The following ADGRL3 variants were observed in gnomAD, a reference collection of about 807,000 sequenced individuals.
ADGRL3 encodes calcium-independent alpha-latrotoxin receptor 3.
ADGRL3 carries 62 observed loss-of-function variants against 153.5 expected under a neutral mutation model. The ratio of observed to expected loss-of-function variants is 0.40; its 90% CI spans 0.33 to 0.50. The LOEUF is 0.50. Among genes scored for constraint, ADGRL3 ranks in the 20% least tolerant of loss-of-function variants. The pLI, the probability that ADGRL3 is intolerant of heterozygous loss-of-function variation, is 0.47. For synonymous variants in ADGRL3, 710 were observed against 672.5 expected, an observed-to-expected ratio of 1.06 and a Z score of -0.86; for missense variants, 1,641 against 1,859.4, an observed-to-expected ratio of 0.88 and a Z score of 2.16.
At chr4:61,398,971 T>C (rs1382300349) in intron 2 of ADGRL3, among the ~76,000 whole-genome samples, 1 of 151,738 alleles carries the variant, frequency 6.6e-6, no homozygotes, top group African/African-American at 2.4e-5. Context: ...TCCATCATTC[T>C]GTCTAACTGC....
chr4:61,742,660 G>T (rs1416954540), intron 8 of ADGRL3, among the ~76,000 whole-genome samples: 1 of 152,070 alleles, frequency 6.6e-6, no homozygotes, highest in Non-Finnish European at 1.5e-5. Context: ...AAGCACAAAG[G>T]TATTTCCTTC....
chr4:61,471,786 G>T (rs1358477708), intron 2 of ADGRL3, among the ~76,000 whole-genome samples: 1 of 151,900 alleles, frequency 6.6e-6, no homozygotes, highest in East Asian at 1.9e-4. Flanking sequence ...AGAAATGGTC[G>T]ATTAAGGTAT....
At chr4:61,790,084 T>A (rs975901949) in intron 8 of ADGRL3, among the ~76,000 whole-genome samples, 2 of 152,234 alleles carry the variant, frequency 1.3e-5, no homozygotes, top group African/African-American at 4.8e-5. Context: ...ACTGTTTTTA[T>A]AGCAAAGTTA....
chr4:61,714,423 T>C (rs2151525793), intron 6 of ADGRL3, among the ~76,000 whole-genome samples: 1 of 152,292 alleles, frequency 6.6e-6, no homozygotes, highest in East Asian at 1.9e-4. Context: ...GCACACATGT[T>C]GTATCCCCTT....
At chr4:61,958,377 GTTTCTTTCTTTC>G (rs3065141) in intron 17 of ADGRL3, among the ~76,000 whole-genome samples, 20,833 of 148,050 alleles carry the variant, frequency 0.14, 1,788 homozygotes, top group Middle Eastern at 0.21. Context: ...TGTTGTAAAG[GTTTCTTTCTTTC>G]TTTCTTTCTT....
At chr4:61,496,378 T>A (rs335270) in intron 2 of ADGRL3, among the ~76,000 whole-genome samples, 143,670 of 152,280 alleles carry the variant, frequency 0.94, 68,341 homozygotes, top group East Asian at 1. Flanking sequence ...ATATATGTAT[T>A]TTTAGCCAGG....
At chr4:61,432,587 T>TTTTTCC (rs2097372607) in intron 2 of ADGRL3, among the ~76,000 whole-genome samples, 1 of 5,492 alleles carries the variant, frequency 1.8e-4, no homozygotes, top group African/African-American at 4.0e-4. Context: ...TCTTTCTTTC[T>TTTTTCC]TTCTTTCTTT....
At chr4:61,459,897 CTAT>C (rs2097790682) in intron 2 of ADGRL3, among the ~76,000 whole-genome samples, 1 of 152,034 alleles carries the variant, frequency 6.6e-6, no homozygotes, top group Non-Finnish European at 1.5e-5. Context: ...CTGTCTTTGC[CTAT>C]TCAGATCTGT....
intron 1 of ADGRL3, among the ~76,000 whole-genome samples, chr4:61,225,263 C>A (rs1429978929): frequency 6.6e-6 from 1 of 152,166 alleles, no homozygotes; most frequent in Non-Finnish European, 1.5e-5. Context: ...CCTGTTGTTA[C>A]CTATGCCGCT....
chr4:61,588,466 C>T (rs1380692001), intron 5 of ADGRL3, among the ~76,000 whole-genome samples: 1 of 151,642 alleles, frequency 6.6e-6, no homozygotes, highest in Admixed American at 6.6e-5. Flanking sequence ...TTATAAATTA[C>T]TATTACATAA....
intron 8 of ADGRL3, among the ~76,000 whole-genome samples, chr4:61,805,149 G>A (rs1401268955): frequency 3.3e-5 from 5 of 151,656 alleles, no homozygotes; most frequent in Non-Finnish European, 5.9e-5. Flanking sequence ...GAGAGACGAG[G>A]TTTCACTGTG....
At chr4:61,259,147 G>A (rs1417615597) in intron 1 of ADGRL3, among the ~76,000 whole-genome samples, 4 of 152,098 alleles carry the variant, frequency 2.6e-5, no homozygotes, top group Admixed American at 1.3e-4. Flanking sequence ...AAAATGGGCC[G>A]GGTGCGGTGG....
intron 2 of ADGRL3, among the ~76,000 whole-genome samples, chr4:61,478,459 C>A (rs2098091523): frequency 6.6e-6 from 1 of 151,934 alleles, no homozygotes. Context: ...GTTTAATGAT[C>A]TCTAAAATGT....
chr4:61,946,188 G>A lies in ADGRL3; in HGVS notation c.2420-726G>A, dbSNP rs564048091. 4.6e-5 allele frequency among the ~76,000 whole-genome samples: 7 copies of A among 152,248 alleles called. No individual in the cohort carries two copies. The East Asian group carries it at 5.8e-4, about 13-fold the overall frequency. ...ACTATTTTACACTACCACCAGAAGC[G>A]TACGAGAGTTCCATTTCTTCCACAT... On this transcript the variant is annotated intron_variant, in intron 15 of 26. Coordinates refer to ENST00000683033, the MANE Select transcript of ADGRL3 (RefSeq NM_001387552.1).
In ADGRL3 at chr4:61,540,303, C is replaced by T. The variant is rs144325187; in HGVS notation, c.259+22785C>T. ...GTGGCTTATGCCTGTAATCCCAGCA[C>T]TTTGGGAGGCCAAGGCAGGCAGCTC... On this transcript the variant is annotated intron_variant, in intron 4 of 26. Coordinates refer to ENST00000683033, the MANE Select transcript of ADGRL3 (RefSeq NM_001387552.1). Among the ~76,000 whole-genome samples, 689 of 152,240 alleles carry T rather than the reference C, an allele frequency of 4.5e-3. 7 individuals are homozygous for T. The highest frequency in any genetic ancestry group is 0.016 in the African/African-American group (657 of 41,540).
At chr4:61,815,266 G>T (rs1039741221) in intron 9 of ADGRL3, among the ~76,000 whole-genome samples, 1 of 152,192 alleles carries the variant, frequency 6.6e-6, no homozygotes, top group Non-Finnish European at 1.5e-5. Context: ...GATGGATTCT[G>T]TATCCCATAC....
intron 6 of ADGRL3, among the ~76,000 whole-genome samples, chr4:61,717,415 AT>A (rs1312384891): frequency 6.6e-6 from 1 of 152,216 alleles, no homozygotes; most frequent in Non-Finnish European, 1.5e-5. Context: ...GGGAAATTAT[AT>A]GCTATCCAAT....
chr4:61,621,793 T>A (rs1579913166), intron 5 of ADGRL3, among the ~76,000 whole-genome samples: 1 of 152,168 alleles, frequency 6.6e-6, no homozygotes, highest in Admixed American at 6.5e-5. Context: ...TTTGTGGTTT[T>A]AATTTTTGCT....
intron 8 of ADGRL3, among the ~76,000 whole-genome samples, chr4:61,776,186 C>T (rs1013307491): frequency 2.0e-5 from 3 of 152,172 alleles, no homozygotes; most frequent in Non-Finnish European, 4.4e-5. Flanking sequence ...AGGCGTGAGC[C>T]ACGGCGCCAA....
Sources: gnomAD v4.1 joint callset for allele counts (sites outside exome capture counted in the v4.1 genomes callset) on GRCh38, gnomAD v4.1.1 for gene constraint, MANE v1.5 for transcripts, NCBI Gene and HGNC (gene_info 2026-07-23, HGNC 2026-07-21) for gene names.